The following MIPOL1 variants were observed in gnomAD, a reference collection of about 807,000 sequenced individuals.
MIPOL1 encodes mirror-image polydactyly gene 1 protein.
Under a neutral mutation model 60.9 loss-of-function variants are expected in MIPOL1, and 57 were observed. The observed-to-expected ratio is 0.94, with a 90% CI of 0.76 to 1.17. The LOEUF (loss-of-function observed/expected upper bound fraction) is 1.17. Among genes scored for constraint, MIPOL1 ranks in the 50% most tolerant of loss-of-function variants. The probability of loss-of-function intolerance (pLI) is 0.00; values close to 1 mark genes in which losing one functional copy is unlikely to be tolerated. For synonymous variants in MIPOL1, 179 were observed against 168.8 expected (o/e 1.06, Z -0.47); for missense variants, 551 against 511.6 (o/e 1.08, Z -0.74).
intron 9 of MIPOL1, among the ~76,000 whole-genome samples, chr14:37,369,121 G>A (rs2092566309): frequency 1.3e-5 from 2 of 151,674 alleles, no homozygotes; most frequent in African/African-American, 4.8e-5. Flanking sequence ...TTAATAAAAT[G>A]TGATCATACA....
At chr14:37,538,311 T>C (rs976004480) in intron 12 of MIPOL1, among the ~76,000 whole-genome samples, 1 of 152,220 alleles carries the variant, frequency 6.6e-6, no homozygotes, top group Non-Finnish European at 1.5e-5. Flanking sequence ...GTTCTGAGAA[T>C]TTATAGCTAA....
intron 11 of MIPOL1, among the ~76,000 whole-genome samples, chr14:37,435,529 C>T (rs920650532): frequency 2.6e-5 from 4 of 151,152 alleles, no homozygotes; most frequent in East Asian, 1.9e-4. Flanking sequence ...TTTTTTTAAC[C>T]GCTGAATCTT....
At chr14:37,334,354 A>G (rs2089955096) in intron 9 of MIPOL1, among the ~76,000 whole-genome samples, 1 of 151,994 alleles carries the variant, frequency 6.6e-6, no homozygotes, top group African/African-American at 2.4e-5. Flanking sequence ...AAAAAGAATG[A>G]AATGGAAGAG....
At chr14:37,541,845 C>A (rs557914388) in intron 12 of MIPOL1, among the ~76,000 whole-genome samples, 8 of 152,276 alleles carry the variant, frequency 5.3e-5, no homozygotes, top group Non-Finnish European at 1.0e-4. Flanking sequence ...TGATCCATTC[C>A]TCAGAAGCCC....
At chr14:37,376,761 T>C (rs1008433841) in intron 10 of MIPOL1, among the ~76,000 whole-genome samples, 1 of 152,194 alleles carries the variant, frequency 6.6e-6, no homozygotes, top group East Asian at 1.9e-4. Flanking sequence ...ATTTTGTTTG[T>C]ATGGACCCAG....
chr14:37,226,099 T>C (rs979318992), intron 1 of MIPOL1, among the ~76,000 whole-genome samples: 2 of 152,216 alleles, frequency 1.3e-5, no homozygotes, highest in African/African-American at 4.8e-5. Context: ...GTCAGCATTT[T>C]GGGCAAAGCC....
chr14:37,356,728 C>G lies in MIPOL1; in HGVS notation c.829-12789C>G, dbSNP rs189205517. ...GGAAAGGGAACTCCCTGACCCCTTGCGCTTCCCGAGTGAGGCAATGCCTCG... is the reference window on the plus strand; with the variant it reads ...GGAAAGGGAACTCCCTGACCCCTTGGGCTTCCCGAGTGAGGCAATGCCTCG... On this transcript the variant is annotated intron_variant, in intron 9 of 12. Transcript: ENST00000684589. Among the ~76,000 whole-genome samples the G allele has an allele frequency of 5.2e-3, 786 of 152,302 alleles. 7 individuals are homozygous for G. The highest frequency in any genetic ancestry group is 0.017 in the African/African-American group (723 of 41,572).
chr14:37,273,346 A>T (rs901417165), intron 6 of MIPOL1, among the ~76,000 whole-genome samples: 1 of 149,572 alleles, frequency 6.7e-6, no homozygotes. Flanking sequence ...ATTTAGTGTT[A>T]AAAAAAAACA....
rs59301708 is a variant in MIPOL1, at chr14:37,282,747, CAAAAAAAA to C, written c.494-2555_494-2548del. On this transcript the variant is annotated intron_variant, in intron 6 of 12. Transcript: ENST00000684589. ...TGGATGACAGAGCAAGACCCTGTCT[CAAAAAAAA>C]AAAAAAAAAAAAAAAGAAGGTAGTT... is the stretch of plus-strand genomic sequence containing the variant. Among the ~76,000 whole-genome samples the C allele has an allele frequency of 3.5e-4, 24 of 67,892 alleles. No homozygotes were observed. In the South Asian group the frequency reaches 0.016, roughly 45 times the overall value. 44.5% of individuals were successfully genotyped at this position (67,892 alleles called of 152,430 possible). A position where few individuals can be genotyped will look rare whatever the true frequency, so the allele number is the denominator to read the frequency against.
chr14:37,363,377 G>A (rs76057728), intron 9 of MIPOL1, among the ~76,000 whole-genome samples: 1 of 152,164 alleles, frequency 6.6e-6, no homozygotes. Context: ...TCCCTCAGCT[G>A]CAGGTCCATT....
chr14:37,444,686 G>T lies in MIPOL1; in HGVS notation c.1031+21737G>T, dbSNP rs2094304759. On this transcript the variant is annotated intron_variant, in intron 11 of 12. Coordinates refer to ENST00000684589, the MANE Select transcript of MIPOL1 (RefSeq NM_001388067.1). Reference sequence around the variant, plus strand: ...AGTAAATGTATATATAGATCCGGAGGATAAGAGAATCCCAGCAGCACATCA... The same window carrying T: ...AGTAAATGTATATATAGATCCGGAGTATAAGAGAATCCCAGCAGCACATCA... Among the ~76,000 whole-genome samples the T allele has an allele frequency of 3.3e-5, 5 of 152,256 alleles. No homozygotes were observed. The South Asian group carries it at 1.0e-3, about 32-fold the overall frequency.
At chr14:37,222,084 A>T (rs1248364391) in intron 1 of MIPOL1, among the ~76,000 whole-genome samples, 2 of 152,224 alleles carry the variant, frequency 1.3e-5, no homozygotes, top group Admixed American at 6.5e-5. Context: ...GAGTCTGTGA[A>T]ATTAACAAGC....
chr14:37,214,652 G>A (rs1411097906), intron 1 of MIPOL1, among the ~76,000 whole-genome samples: 1 of 151,936 alleles, frequency 6.6e-6, no homozygotes, highest in Admixed American at 6.6e-5. Context: ...TATAACCTGG[G>A]AAAAGCCAGG....
intron 12 of MIPOL1, among the ~76,000 whole-genome samples, chr14:37,510,212 A>G (rs1005915761): frequency 6.6e-6 from 1 of 151,916 alleles, no homozygotes; most frequent in Non-Finnish European, 1.5e-5. Context: ...ATACACATAC[A>G]TATACGTGTG....
intron 9 of MIPOL1, among the ~76,000 whole-genome samples, chr14:37,362,710 C>G (rs2092317853): frequency 6.6e-6 from 1 of 152,192 alleles, no homozygotes; most frequent in Non-Finnish European, 1.5e-5. Context: ...TGTTTTCCAA[C>G]TTGGTTTCAT....
intron 1 of MIPOL1, among the ~76,000 whole-genome samples, chr14:37,242,021 A>G (rs1195557474): frequency 6.6e-6 from 1 of 152,008 alleles, no homozygotes; most frequent in Non-Finnish European, 1.5e-5. Context: ...TAATTAGGCA[A>G]TAATAGTTTT....
chr14:37,542,500 T>C (rs2095533577), intron 12 of MIPOL1, among the ~76,000 whole-genome samples: 1 of 152,182 alleles, frequency 6.6e-6, no homozygotes, highest in Non-Finnish European at 1.5e-5. Context: ...ACTATACTAC[T>C]GGCAGTACTT....
intron 11 of MIPOL1, among the ~76,000 whole-genome samples, chr14:37,428,321 G>T (rs975499381): frequency 1.3e-5 from 2 of 152,202 alleles, no homozygotes; most frequent in Non-Finnish European, 2.9e-5. Context: ...TAGTGGCCGG[G>T]CATGGTGGCT....
chr14:37,457,361 T>C (rs2094488532), intron 11 of MIPOL1, among the ~76,000 whole-genome samples: 2 of 152,202 alleles, frequency 1.3e-5, no homozygotes, highest in Non-Finnish European at 1.5e-5. Context: ...TCTGAATAAA[T>C]GAGAATAGAC....
Sources: gnomAD v4.1 joint callset for allele counts (sites outside exome capture counted in the v4.1 genomes callset) on GRCh38, gnomAD v4.1.1 for gene constraint, MANE v1.5 for transcripts, NCBI Gene and HGNC (gene_info 2026-07-23, HGNC 2026-07-21) for gene names.